Variants in SHC2 observed in about 807,000 individuals in gnomAD.
The protein encoded by SHC2 is SHC adaptor protein 2.
SHC2 carries 62 observed loss-of-function variants against 60.6 expected under a neutral mutation model. That is an observed-to-expected ratio of 1.02 (90% CI 0.83 to 1.26). The LOEUF is 1.26. Among genes scored for constraint, SHC2 ranks in the 50% most tolerant of loss-of-function variants. The probability of loss-of-function intolerance (pLI) is 0.00; values close to 1 mark genes in which losing one functional copy is unlikely to be tolerated. For missense variants in SHC2, 873 were observed against 822.2 expected (o/e 1.06, Z -0.76); for synonymous variants, 375 against 372.4 (o/e 1.01, Z -0.08).
intron 1 of SHC2, among the ~76,000 whole-genome samples, chr19:448,144 C>T (rs1228941724): frequency 6.6e-6 from 1 of 152,230 alleles, no homozygotes; most frequent in Non-Finnish European, 1.5e-5. Flanking sequence ...TCCACGAGTC[C>T]CCGCAGATCT....
At chr19:430,244 A>G (rs538067283) in intron 9 of SHC2, among the ~76,000 whole-genome samples, 1 of 151,136 alleles carries the variant, frequency 6.6e-6, no homozygotes, top group South Asian at 2.1e-4. Flanking sequence ...TCCAACGTGC[A>G]CGGAAACCTA....
At position 434,131 on chromosome 19, in the gene SHC2, G is replaced by T. The variant is rs1415796731; in HGVS notation, c.1110+578C>A. ...TCGTGAGTGAGAGTTAGAGGAGGCC[G>T]GGCAGATGGCGCTTCATCGTGAGTG... is the stretch of plus-strand genomic sequence containing the variant. On this transcript the variant is annotated intron_variant, in intron 8 of 12. Transcript: ENST00000264554. 2.7e-5 allele frequency among the ~76,000 whole-genome samples: 3 copies of T among 111,458 alleles called. No homozygotes were observed. In the Admixed American group the frequency reaches 2.9e-4, roughly 11 times the overall value. The allele number at this position is 111,458 out of a possible 152,430, so 73.1% of individuals were successfully genotyped here.
intron 1 of SHC2, among the ~76,000 whole-genome samples, chr19:444,642 C>T (rs553970157): frequency 7.9e-5 from 12 of 152,312 alleles, no homozygotes; most frequent in African/African-American, 2.4e-4. Context: ...TCAGGATCAG[C>T]CAGGTAAACA....
chr19:447,744 C>T (rs960628920), intron 1 of SHC2, among the ~76,000 whole-genome samples: 4 of 152,014 alleles, frequency 2.6e-5, no homozygotes, highest in Non-Finnish European at 5.9e-5. Context: ...CACCACTGCA[C>T]TCCAGCCTGG....
intron 12 of SHC2, among the ~76,000 whole-genome samples, chr19:417,546 G>A (rs553342369): frequency 9.2e-5 from 14 of 152,220 alleles, no homozygotes; most frequent in Non-Finnish European, 1.2e-4. Context: ...CTGTCTCCTC[G>A]CGTGCAAGCA....
chr19:437,258 G>A (rs867198239), intron 4 of SHC2, among the ~76,000 whole-genome samples: 141 of 152,122 alleles, frequency 9.3e-4, no homozygotes, highest in African/African-American at 3.3e-3. Flanking sequence ...GTGCTCGTTT[G>A]CGTGCTCGTC....
At chr19:451,959 G>C (rs112855555) in intron 1 of SHC2, among the ~76,000 whole-genome samples, 1 of 152,168 alleles carries the variant, frequency 6.6e-6, no homozygotes, top group Admixed American at 6.5e-5. Flanking sequence ...CAAATCGTCC[G>C]TGTGACTCCA....
At chr19:458,553 T>C (rs866405382) in intron 1 of SHC2, among the ~76,000 whole-genome samples, 1,118 of 18,280 alleles carry the variant, frequency 0.061, 7 homozygotes, top group Admixed American at 0.076. Flanking sequence ...TCCGGGGAGG[T>C]GGAAGCGGGT....
Position 436,645 on chromosome 19 carries a change from C to G in SHC2, c.759G>C (p.Ala253=). ...CTGGCCTCACCGTGTCTCCGCCTGA[C>G]GCGAAGGAGATGGACGGCATGTGGT... ...ANHHMPSISF[A]SGGDTDMTDY... The change falls in exon 5 of 13, where the codon GCG becomes GCC. Residue 253 remains alanine (A), a synonymous_variant. Transcript: ENST00000264554. 6.2e-7 allele frequency: 1 copy of G among 1,607,384 alleles called. No homozygotes were observed. The highest frequency in any genetic ancestry group is 1.3e-5 in the African/African-American group (1 of 75,022).
rs1975251954 is a variant in SHC2, at chr19:453,518, C to T, written c.468+7011G>A. On this transcript the variant is annotated intron_variant, in intron 1 of 12. Transcript: ENST00000264554. The surrounding 1 kb of genome is among the most constrained non-coding windows in gnomAD (Gnocchi z 6.3). ...AACTCCTGGGCTCAAGTGATCCTGCCGCCTTGGTCTTCCAAAATGCTGGAT... is the reference window on the plus strand; with the variant it reads ...AACTCCTGGGCTCAAGTGATCCTGCTGCCTTGGTCTTCCAAAATGCTGGAT... Among the ~76,000 whole-genome samples the T allele has an allele frequency of 6.6e-6, 1 of 152,094 alleles. No individual in the cohort carries two copies. Among genetic ancestry groups the T allele is most frequent in the African/African-American group, 2.4e-5 (1 of 41,394 alleles).
chr19:425,443 C>A lies in SHC2; in HGVS notation c.1175-212G>T, dbSNP rs2145695789. On this transcript the variant is annotated intron_variant, in intron 9 of 12. Coordinates refer to ENST00000264554, the MANE Select transcript of SHC2 (RefSeq NM_012435.3). This position sits in a 1 kb window ranked among gnomAD's most constrained non-coding sequence, Gnocchi z 4.1. ...CAGCAAAGCCCCGTCGGGGCTCCAA[C>A]CAGGGACAAGAGTGGGGCAGCGTGC... Among the ~76,000 whole-genome samples, 1 of 152,356 alleles carries A rather than the reference C, an allele frequency of 6.6e-6. No individual in the cohort carries two copies. Among genetic ancestry groups the A allele is most frequent in the African/African-American group, 2.4e-5 (1 of 41,582 alleles).
chr19:434,717 G>T lies in SHC2; in HGVS notation c.1102C>A (p.Leu368Ile). 6.2e-7 allele frequency: 1 copy of T among 1,610,076 alleles called. No homozygotes were observed. The highest frequency in any genetic ancestry group is 1.1e-5 in the South Asian group (1 of 90,758). The change falls in exon 8 of 13, where the codon CTC becomes ATC. Residue 368 changes from leucine (L) to isoleucine (I), a missense_variant. Transcript: ENST00000264554. Reference protein sequence around the residue: ...ALTQPCALTALDQGPSPSLRD... With the variant: ...ALTQPCALTAIDQGPSPSLRD... ...CGAGGGCAGAGGCTGACCTGGTCGA[G>T]GGCCGTGAGGGCGCAGGGCTGTGTC... is the stretch of plus-strand genomic sequence containing the variant.
rs1252857243 is a variant in SHC2 at position 441,529 on chromosome 19, G to A, written c.469-597C>T. ...CTGCTTCAGTGCCGTAAAGGGTGGG[G>A]GAACAGGGCCAGGAGGCGAAGGCCA... is the stretch of plus-strand genomic sequence containing the variant. On this transcript the variant is annotated intron_variant, in intron 1 of 12. Coordinates refer to ENST00000264554, the MANE Select transcript of SHC2 (RefSeq NM_012435.3). This position sits in a 1 kb window ranked among gnomAD's most constrained non-coding sequence, Gnocchi z 4.9. 6.6e-6 allele frequency among the ~76,000 whole-genome samples: 1 copy of A among 152,188 alleles called. No individual in the cohort carries two copies. The highest frequency in any genetic ancestry group is 1.5e-5 in the Non-Finnish European group (1 of 68,032).
rs1440669372 is a variant in SHC2 at position 445,669 on chromosome 19, T to G, written c.469-4737A>C. Among the ~76,000 whole-genome samples, 3 of 150,320 alleles carry G rather than the reference T, an allele frequency of 2.0e-5. No individual in the cohort carries two copies. Among genetic ancestry groups the G allele is most frequent in the Non-Finnish European group, 4.4e-5 (3 of 67,636 alleles). On this transcript the variant is annotated intron_variant, in intron 1 of 12. Coordinates refer to ENST00000264554, the MANE Select transcript of SHC2 (RefSeq NM_012435.3). This position sits in a 1 kb window ranked among gnomAD's most constrained non-coding sequence, Gnocchi z 4.4. ...GGGAGGATGGCTTGAGCCCAGGAGG[T>G]TGAGGCTGCAGTGATCTGTGATGGC...
At chr19:443,226 ATGGACAGATGGATAGTTGGATGGG>A (rs1159203824) in intron 1 of SHC2, among the ~76,000 whole-genome samples, 33 of 145,310 alleles carry the variant, frequency 2.3e-4, no homozygotes, top group African/African-American at 6.7e-4. Context: ...GGGTGAATGG[ATGGACAGATGGATAGTTGGATGGG>A]TGGACAGATG....
Position 441,432 on chromosome 19 carries a change from G to C in SHC2, c.469-500C>G, listed in dbSNP as rs1974865463. Among the ~76,000 whole-genome samples the C allele has an allele frequency of 6.6e-6, 1 of 152,204 alleles. No homozygotes were observed. Among genetic ancestry groups the C allele is most frequent in the Admixed American group, 6.5e-5 (1 of 15,278 alleles). ...CCCAGACAGCTGTTTCCATGAAAAG[G>C]GAATTCACCATCTCAATGACTGATA... On this transcript the variant is annotated intron_variant, in intron 1 of 12. Transcript: ENST00000264554. This position sits in a 1 kb window ranked among gnomAD's most constrained non-coding sequence, Gnocchi z 4.9.
intron 9 of SHC2, among the ~76,000 whole-genome samples, chr19:429,744 A>G (rs1194267173): frequency 1.4e-5 from 2 of 145,736 alleles, no homozygotes; most frequent in Non-Finnish European, 3.0e-5. Flanking sequence ...CCTATACCCA[A>G]CATGCTCGGA....
At chr19:435,434 G>A (rs776756866) in intron 7 of SHC2, among the ~76,000 whole-genome samples, 12 of 152,230 alleles carry the variant, frequency 7.9e-5, no homozygotes, top group Non-Finnish European at 1.8e-4. Context: ...GCTGAGCAAC[G>A]TGCATCAAGC....
chr19:447,964 C>G (rs75029936), intron 1 of SHC2, among the ~76,000 whole-genome samples: 3,685 of 152,294 alleles, frequency 0.024, 147 homozygotes, highest in African/African-American at 0.084. Context: ...GATGTCTGCA[C>G]AGTGTCAACA....
Sources: gnomAD v4.1 joint callset for allele counts (sites outside exome capture counted in the v4.1 genomes callset) on GRCh38, gnomAD v4.1.1 for gene constraint, Gnocchi (gnomAD v3.1) non-coding constraint, MANE v1.5 for transcripts, NCBI Gene and HGNC (gene_info 2026-07-23, HGNC 2026-07-21) for gene names.